Variants in EVC2 observed in about 807,000 individuals in gnomAD.
EVC2 encodes the protein limbin.
EVC2 carries 148 observed loss-of-function variants against 149.3 expected under a neutral mutation model. That is an observed-to-expected ratio of 0.99 (90% CI 0.87 to 1.14). The LOEUF is 1.14. Among genes scored for constraint, EVC2 ranks in the 50% most tolerant of loss-of-function variants. EVC2 has a pLI of 0.00. For missense variants in EVC2, 1,854 were observed against 1,627.3 expected (o/e 1.14, Z -2.40); for synonymous variants, 776 against 649.9 (o/e 1.19, Z -2.95).
intron 11 of EVC2, 40 bp from the exon 12 acceptor site, chr4:5,628,774 A>G (rs758979725): frequency 6.4e-7 from 1 of 1,568,276 alleles, no homozygotes; most frequent in South Asian, 1.1e-5. Context: ...ATGCCTAATT[A>G]AAATTTAGAG....
At position 5,691,254 on chromosome 4, in the gene EVC2, T is replaced by G. The variant is rs768168011; in HGVS notation, c.519+11A>C. 1.9e-6 allele frequency: 3 copies of G among 1,611,790 alleles called. No individual in the cohort carries two copies. The Admixed American group carries it at 5.0e-5, about 27-fold the overall frequency. ...TTTCTCTTCAAATATACACCACCAG[T>G]GGAAACTTACCAGTGCACATTTCTG... On this transcript the variant is annotated intron_variant, in intron 4 of 21. Coordinates refer to ENST00000344408, the MANE Select transcript of EVC2 (RefSeq NM_147127.5).
chr4:5,643,065 A>G (rs913478432), intron 9 of EVC2, among the ~76,000 whole-genome samples: 8 of 152,226 alleles, frequency 5.3e-5, no homozygotes, highest in African/African-American at 1.9e-4. Flanking sequence ...CTACATGAAT[A>G]TGTACATGCA....
intron 7 of EVC2, among the ~76,000 whole-genome samples, chr4:5,680,514 G>C (rs1720268475): frequency 6.6e-6 from 1 of 152,096 alleles, no homozygotes; most frequent in Non-Finnish European, 1.5e-5. Context: ...TCATTATGTG[G>C]CGCGTGACTG....
At chr4:5,548,570 T>A (rs1024024003) in intron 21 of EVC2, among the ~76,000 whole-genome samples, 1 of 151,976 alleles carries the variant, frequency 6.6e-6, no homozygotes, top group African/African-American at 2.4e-5. Context: ...GCAGAGAGTG[T>A]CTGCAGAAAA....
chr4:5,576,146 C>T lies in EVC2; in HGVS notation c.3272+94G>A, dbSNP rs1722909265. ...ACACCTTAGGCAAGAGGGTGAGAGC[C>T]CAGGTGGGTATGGGTGGGCTGAGTT... On this transcript the variant is annotated intron_variant, in intron 18 of 21. Transcript: ENST00000344408. This position sits in a 1 kb window ranked among gnomAD's most constrained non-coding sequence, Gnocchi z 4.5. The T allele has an allele frequency of 1.2e-6, 2 of 1,604,026 alleles. No homozygotes were observed. The highest frequency in any genetic ancestry group is 1.3e-5 in the African/African-American group (1 of 74,904).
At position 5,628,631 on chromosome 4, in the gene EVC2, G is replaced by A. The variant is rs1716302578; in HGVS notation, c.1814C>T (p.Ser605Leu). 2 of 1,614,028 alleles carry A rather than the reference G, an allele frequency of 1.2e-6. No homozygotes were observed. Among genetic ancestry groups the A allele is most frequent in the Non-Finnish European group, 1.7e-6 (2 of 1,179,984 alleles). ...REYLVQNLQS[S>L]ETRVQGLLST... ...CAGAAGGCCCTGCACACGGGTCTCT[G>A]ATGACTGGAGGTTCTGGACCAGATA... Residue 605 changes from serine to leucine, a missense_variant, in exon 12 of 22, where the codon TCA becomes TTA. Physicochemically the swap from Ser to Leu is moderately radical, Grantham distance 145. Coordinates refer to ENST00000344408, the MANE Select transcript of EVC2 (RefSeq NM_147127.5).
rs551395564 is a variant in EVC2 at position 5,612,174 on chromosome 4, T to A, written c.2829+3248A>T. The stretch of plus-strand genomic sequence containing the variant: ...TTATAAACTAGCCTTGTGTAGAAAA[T>A]GTTGTAATCCTGTTAAATCTCTTTA... On this transcript the variant is annotated intron_variant, in intron 16 of 21. Transcript: ENST00000344408. Among the ~76,000 whole-genome samples, 20 of 152,230 alleles carry A rather than the reference T, an allele frequency of 1.3e-4. No individual in the cohort carries two copies. The East Asian group carries it at 3.7e-3, about 28-fold the overall frequency.
intron 21 of EVC2, among the ~76,000 whole-genome samples, chr4:5,564,590 C>T (rs142381881): frequency 6.6e-5 from 10 of 152,330 alleles, no homozygotes; most frequent in African/African-American, 2.4e-4. Context: ...TTCTGGACTA[C>T]ACACTGATAT....
At chr4:5,557,121 A>G (rs951974340) in intron 21 of EVC2, among the ~76,000 whole-genome samples, 6 of 152,138 alleles carry the variant, frequency 3.9e-5, no homozygotes, top group Non-Finnish European at 8.8e-5. Flanking sequence ...AAAATACAAG[A>G]AAGGAAAACT....
chr4:5,605,032 A>G (rs188683014), intron 16 of EVC2, among the ~76,000 whole-genome samples: 61 of 152,204 alleles, frequency 4.0e-4, no homozygotes, highest in Non-Finnish European at 7.4e-4. Flanking sequence ...CTTAATGAAC[A>G]GTAAATATAC....
Position 5,613,356 on chromosome 4 carries a change from G to A in EVC2, c.2829+2066C>T, listed in dbSNP as rs986134052. Among the ~76,000 whole-genome samples, 2 of 152,156 alleles carry A rather than the reference G, an allele frequency of 1.3e-5. No individual in the cohort carries two copies. Among genetic ancestry groups the A allele is most frequent in the African/African-American group, 4.8e-5 (2 of 41,426 alleles). ...AACCCCAGCTTTCCCTTCACAAGCA[G>A]CTCTTCTCCGACAACAGTCACCTTC... On this transcript the variant is annotated intron_variant, in intron 16 of 21. Transcript: ENST00000344408. The surrounding 1 kb of genome is among the most constrained non-coding windows in gnomAD (Gnocchi z 4.6).
At chr4:5,689,884 G>A (rs976811295) in intron 4 of EVC2, among the ~76,000 whole-genome samples, 1 of 152,144 alleles carries the variant, frequency 6.6e-6, no homozygotes, top group African/African-American at 2.4e-5. Context: ...CATCACCTGG[G>A]CTCTGCACTC....
rs1190666848 is a variant in EVC2, at chr4:5,640,616, A to G, written c.1368T>C (p.Ala456=). 1 of 1,614,090 alleles carries G rather than the reference A, an allele frequency of 6.2e-7. No homozygotes were observed. Residue 456 remains alanine (A), a synonymous_variant, in exon 10 of 22, where the codon GCT becomes GCC. Coordinates refer to ENST00000344408, the MANE Select transcript of EVC2 (RefSeq NM_147127.5). The surrounding 1 kb of genome is among the most constrained non-coding windows in gnomAD (Gnocchi z 4.6). ...TCTTTCTTGTTTCCAGGTCACATTC[A>G]GCTGTCAATGCCACCATCTTCCGAT... is the stretch of plus-strand genomic sequence containing the variant. ...EYDRKMVALT[A]ECDLETRKKM...
chr4:5,676,634 TAACCTAGAA>T lies in EVC2; in HGVS notation c.870+4617_870+4625del, dbSNP rs1720013196. Among the ~76,000 whole-genome samples the T allele has an allele frequency of 3.3e-5, 5 of 152,174 alleles. No homozygotes were observed. In the South Asian group the frequency reaches 1.0e-3, roughly 32 times the overall value. On this transcript the variant is annotated intron_variant, in intron 7 of 21. Coordinates refer to ENST00000344408, the MANE Select transcript of EVC2 (RefSeq NM_147127.5). ...GCCTGACAAGCAGTCAACACTGGCT[TAACCTAGAA>T]GTCAGATGTTCAGCTGCCCCTTCCC...
chr4:5,560,028 T>G (rs1721908883), downstream of EVC2, among the ~76,000 whole-genome samples: 2 of 151,976 alleles, frequency 1.3e-5, no homozygotes, highest in Admixed American at 1.3e-4. This position sits in a 1 kb window ranked among gnomAD's most constrained non-coding sequence, Gnocchi z 4.1. Context: ...ACGGCAGGAT[T>G]TTCGTATGTG....
At chr4:5,566,322 C>T (rs559272430) in intron 20 of EVC2, among the ~76,000 whole-genome samples, 3 of 152,280 alleles carry the variant, frequency 2.0e-5, no homozygotes, top group East Asian at 1.9e-4. Flanking sequence ...GGAGATGGAG[C>T]CTCTTCCACA....
chr4:5,543,848 C>G (rs1721563300), intron 21 of EVC2, among the ~76,000 whole-genome samples: 2 of 152,196 alleles, frequency 1.3e-5, no homozygotes, highest in Admixed American at 1.3e-4. Context: ...CAGCATCCAC[C>G]ACCCCTGCAT....
intron 21 of EVC2, among the ~76,000 whole-genome samples, chr4:5,546,095 A>G (rs1721611395): frequency 6.6e-6 from 1 of 152,192 alleles, no homozygotes; most frequent in African/African-American, 2.4e-5. Context: ...GAGAAACAGG[A>G]ACACTTTTAC....
chr4:5,538,479 G>A (rs13137148), downstream of EVC2, among the ~76,000 whole-genome samples: 69,383 of 151,908 alleles, frequency 0.46, 20,168 homozygotes, highest in Non-Finnish European at 0.65. Flanking sequence ...TGAGGCCAGC[G>A]ATAGCCTGAT....
Sources: gnomAD v4.1 joint callset for allele counts (sites outside exome capture counted in the v4.1 genomes callset) on GRCh38, gnomAD v4.1.1 for gene constraint, Gnocchi (gnomAD v3.1) non-coding constraint, MANE v1.5 for transcripts, NCBI Gene and HGNC (gene_info 2026-07-23, HGNC 2026-07-21) for gene names.